The following ASCL5 variants were observed in gnomAD, a reference collection of about 807,000 sequenced individuals.
The protein encoded by ASCL5 is achaete-scute family bHLH transcription factor 5.
For missense variants in ASCL5, 262 were observed against 268.9 expected (o/e 0.97, Z 0.18); for synonymous variants, 124 against 131.5 (o/e 0.94, Z 0.39).
chr1:201,125,964 G>A (rs1039631260), intron 1 of ASCL5, among the ~76,000 whole-genome samples: 8 of 152,124 alleles, frequency 5.3e-5, no homozygotes, highest in African/African-American at 1.4e-4. Flanking sequence ...CTGCCTCCTC[G>A]GGGAGCAGGA....
chr1:201,124,014 C>T (rs762506441), intron 1 of ASCL5, among the ~76,000 whole-genome samples: 2 of 152,196 alleles, frequency 1.3e-5, no homozygotes, highest in African/African-American at 2.4e-5. Flanking sequence ...ACTCACACTG[C>T]TGTGCAAATG....
rs1412059082 is a variant in ASCL5 at position 201,114,101 on chromosome 1, G to C, written c.*651C>G. ...TGGGACAAAACTAGACGACCTCATG[G>C]GGGGGATGCGGGGAGGGAGTAACCC... On this transcript the variant is annotated 3_prime_UTR_variant, in exon 2 of 2. Coordinates refer to ENST00000449188, the MANE Select transcript of ASCL5 (RefSeq NM_001270601.2). 2 of 152,194 alleles carry C rather than the reference G, an allele frequency of 1.3e-5. No homozygotes were observed. The highest frequency in any genetic ancestry group is 4.8e-5 in the African/African-American group (2 of 41,426). The allele number at this position is 152,194 out of a possible 1,614,324, so 9.4% of individuals were successfully genotyped here.
chr1:201,124,068 G>A (rs1558096013), intron 1 of ASCL5, among the ~76,000 whole-genome samples: 1 of 152,190 alleles, frequency 6.6e-6, no homozygotes, highest in African/African-American at 2.4e-5. Context: ...TACACACATA[G>A]GTGCTCAAGA....
chr1:201,119,633 G>A (rs570667200), intron 1 of ASCL5, among the ~76,000 whole-genome samples: 4 of 152,178 alleles, frequency 2.6e-5, no homozygotes, highest in South Asian at 2.1e-4. Flanking sequence ...GAAGCAATTC[G>A]TATCACTTAA....
intron 1 of ASCL5, among the ~76,000 whole-genome samples, chr1:201,124,957 G>C (rs906596185): frequency 2.6e-5 from 4 of 152,192 alleles, no homozygotes; most frequent in Non-Finnish European, 4.4e-5. Flanking sequence ...TGTGCAGGCT[G>C]TCACTGGGAT....
chr1:201,118,835 G>A (rs1421246263), intron 1 of ASCL5, among the ~76,000 whole-genome samples: 3 of 152,158 alleles, frequency 2.0e-5, no homozygotes, highest in Non-Finnish European at 4.4e-5. Flanking sequence ...ATCCTTGAGA[G>A]GTAGGTGCTA....
At chr1:201,118,961 C>T (rs1663401085) in intron 1 of ASCL5, among the ~76,000 whole-genome samples, 2 of 152,198 alleles carry the variant, frequency 1.3e-5, no homozygotes, top group Admixed American at 6.5e-5. Flanking sequence ...ACCTCAGTTT[C>T]CCACCTCTTC....
At chr1:201,125,820 GGTGA>G (rs1359370605) in intron 1 of ASCL5, among the ~76,000 whole-genome samples, 3 of 152,226 alleles carry the variant, frequency 2.0e-5, no homozygotes, top group Non-Finnish European at 4.4e-5. Flanking sequence ...AATGGGCACA[GGTGA>G]GTGTCACCAG....
intron 1 of ASCL5, among the ~76,000 whole-genome samples, chr1:201,123,865 CG>C: frequency 6.6e-6 from 1 of 152,256 alleles, no homozygotes; most frequent in Admixed American, 6.5e-5. Flanking sequence ...CTTTGCCTTT[CG>C]GGGAGTAGAA....
intron 1 of ASCL5, among the ~76,000 whole-genome samples, chr1:201,119,373 A>T (rs1663406866): frequency 6.6e-6 from 1 of 152,178 alleles, no homozygotes; most frequent in Non-Finnish European, 1.5e-5. Context: ...CTCATCGGCT[A>T]AGTTCATGGG....
At position 201,114,866 on chromosome 1, in the gene ASCL5, G is replaced by T; in HGVS notation, c.507C>A (p.Pro169=). Residue 169 remains proline (P), a synonymous_variant, in exon 2 of 2, where the codon CCC becomes CCA. Coordinates refer to ENST00000449188, the MANE Select transcript of ASCL5 (RefSeq NM_001270601.2). The part of the protein sequence containing the change: ...PCPAPPATPR[P]DRPGDGEARA... ...GGGCCTCGCCGTCGCCAGGGCGGTCGGGACGGGGGGTGGCGGGCGGCGCGG... is the reference window on the plus strand; with the variant it reads ...GGGCCTCGCCGTCGCCAGGGCGGTCTGGACGGGGGGTGGCGGGCGGCGCGG... The T allele has an allele frequency of 1.5e-5, 18 of 1,228,644 alleles. No homozygotes were observed. The highest frequency in any genetic ancestry group is 4.1e-5 in the South Asian group (1 of 24,298). The allele number at this position is 1,228,644 out of a possible 1,614,324, so 76.1% of individuals were successfully genotyped here.
At chr1:201,123,008 G>A (rs1401254021) in intron 1 of ASCL5, among the ~76,000 whole-genome samples, 3 of 152,198 alleles carry the variant, frequency 2.0e-5, no homozygotes, top group Admixed American at 1.3e-4. Flanking sequence ...TCTTATTGCC[G>A]TTAAGGGACG....
In ASCL5 at chr1:201,114,423, G is replaced by A. The variant is rs892680107; in HGVS notation, c.*329C>T. 2.2e-4 allele frequency: 51 copies of A among 227,836 alleles called. No homozygotes were observed. Among genetic ancestry groups the A allele is most frequent in the Non-Finnish European group, 3.7e-4 (43 of 117,574 alleles). The allele number at this position is 227,836 out of a possible 1,614,324, so 14.1% of individuals were successfully genotyped here. A position where few individuals can be genotyped will look rare whatever the true frequency, so the allele number is the denominator to read the frequency against. Reference sequence around the variant, plus strand: ...GGACGGAGCAGAGCCACCTGAGGCCGAGCGGGAGCCAGACCCAGGGATGAC... The same window carrying A: ...GGACGGAGCAGAGCCACCTGAGGCCAAGCGGGAGCCAGACCCAGGGATGAC... On this transcript the variant is annotated 3_prime_UTR_variant, in exon 2 of 2. Coordinates refer to ENST00000449188, the MANE Select transcript of ASCL5 (RefSeq NM_001270601.2).
At chr1:201,124,288 A>G (rs574131642) in intron 1 of ASCL5, among the ~76,000 whole-genome samples, 7 of 152,280 alleles carry the variant, frequency 4.6e-5, no homozygotes, top group Middle Eastern at 3.4e-3. Flanking sequence ...CAGGCTAGGA[A>G]GCTAGGGAGG....
intron 1 of ASCL5, among the ~76,000 whole-genome samples, chr1:201,124,557 A>G (rs920399629): frequency 2.5e-4 from 24 of 94,576 alleles, no homozygotes; most frequent in African/African-American, 1.1e-3. Flanking sequence ...TTCATGGGGG[A>G]AAAAAAGCCC....
intron 1 of ASCL5, among the ~76,000 whole-genome samples, chr1:201,117,825 G>A (rs1663376567): frequency 6.6e-6 from 1 of 152,242 alleles, no homozygotes; most frequent in Admixed American, 6.5e-5. Context: ...CAGTCGGAAG[G>A]CAGGGGCTAG....
chr1:201,118,501 A>G (rs903122968), intron 1 of ASCL5, among the ~76,000 whole-genome samples: 6 of 151,954 alleles, frequency 3.9e-5, no homozygotes, highest in South Asian at 2.1e-4. Context: ...AAAAAAAAAA[A>G]AGAGAACTCA....
chr1:201,123,437 A>G (rs142455546), intron 1 of ASCL5, among the ~76,000 whole-genome samples: 1,840 of 152,300 alleles, frequency 0.012, 12 homozygotes, highest in Non-Finnish European at 0.02. Flanking sequence ...GCACTTACCT[A>G]TATGCCAGCC....
intron 1 of ASCL5, among the ~76,000 whole-genome samples, chr1:201,118,997 T>C (rs1663401472): frequency 6.6e-6 from 1 of 152,244 alleles, no homozygotes; most frequent in African/African-American, 2.4e-5. Context: ...TAGTGGCTTC[T>C]CATCTGATCA....
Sources: allele counts gnomAD v4.1 joint callset (sites outside exome capture counted in the v4.1 genomes callset), GRCh38; gene constraint gnomAD v4.1.1; transcripts MANE v1.5; gene names NCBI Gene and HGNC (gene_info 2026-07-23, HGNC 2026-07-21).